The following PCDHA1 variants were observed in gnomAD, a reference collection of about 807,000 sequenced individuals.
PCDHA1 encodes the protein protocadherin alpha-1.
A neutral mutation model predicts 61.3 loss-of-function variants in PCDHA1; 42 were observed. The ratio of observed to expected loss-of-function variants is 0.69; its 90% CI spans 0.54 to 0.89. The LOEUF (loss-of-function observed/expected upper bound fraction) is 0.89. Among genes scored for constraint, PCDHA1 ranks in the 40% least tolerant of loss-of-function variants. The pLI is 0.00. For synonymous variants in PCDHA1, 610 were observed against 553.8 expected, an observed-to-expected ratio of 1.10 and a Z score of -1.43; for missense variants, 1,256 against 1,235.3, an observed-to-expected ratio of 1.02 and a Z score of -0.25.
intron 1 of PCDHA1, chr5:140,841,266 CAG>C (rs1777120353): frequency 6.6e-7 from 1 of 1,522,182 alleles, no homozygotes; most frequent in African/African-American, 1.4e-5. Flanking sequence ...TCTGAAAGTA[CAG>C]TCGTTCATCT....
intron 1 of PCDHA1, chr5:140,842,416 T>C (rs1486970475): frequency 6.2e-7 from 1 of 1,613,166 alleles, no homozygotes; most frequent in Non-Finnish European, 8.5e-7. Flanking sequence ...ACGCTCAATT[T>C]GGTACTGTCA....
chr5:140,945,887 A>G (rs1291923718), intron 1 of PCDHA1, among the ~76,000 whole-genome samples: 2 of 152,132 alleles, frequency 1.3e-5, no homozygotes, highest in Admixed American at 1.3e-4. Flanking sequence ...AACAAAGAAA[A>G]CACAGTGGGA....
chr5:140,966,652 G>C (rs556593659), intron 1 of PCDHA1: 2 of 1,169,200 alleles, frequency 1.7e-6, no homozygotes, highest in Admixed American at 3.9e-5. Context: ...GAGCGTGAGC[G>C]GTGGGGGAGC....
chr5:140,824,338 T>C, intron 1 of PCDHA1: 3 of 621,360 alleles, frequency 4.8e-6, no homozygotes, highest in Non-Finnish European at 8.3e-6. Context: ...TATTAAGTGT[T>C]TTTAAAATAA....
At chr5:140,797,891 C>T (rs1762276987) in intron 1 of PCDHA1, among the ~76,000 whole-genome samples, 1 of 152,078 alleles carries the variant, frequency 6.6e-6, no homozygotes, top group South Asian at 2.1e-4. Flanking sequence ...CTTGCTCTGT[C>T]ACCTAGGCTG....
At chr5:140,860,772 C>G (rs1554153719) in intron 1 of PCDHA1, 1 of 152,248 alleles carries the variant, frequency 6.6e-6, no homozygotes, top group African/African-American at 2.4e-5. Context: ...GAGTCTCGCT[C>G]TGTTGCCCAG....
intron 1 of PCDHA1, chr5:140,884,580 C>G: frequency 6.2e-7 from 1 of 1,614,150 alleles, no homozygotes; most frequent in Non-Finnish European, 8.5e-7. Context: ...GACCTCATGG[C>G]CTTCAGTCCC....
At position 140,883,588 on chromosome 5, in the gene PCDHA1, C is replaced by A. The variant is rs781923113; in HGVS notation, c.2394+94904C>A. 5.6e-6 allele frequency: 9 copies of A among 1,613,794 alleles called. No homozygotes were observed. In the East Asian group the frequency reaches 6.7e-5, roughly 12 times the overall value. ...CGCCTTCGCTGTGGGCCACGGCCAG[C>A]GTGTCGGTGGGGGTGGCCGACGTGA... is the stretch of plus-strand genomic sequence containing the variant. On this transcript the variant is annotated intron_variant, in intron 1 of 3. Coordinates refer to ENST00000504120, the MANE Select transcript of PCDHA1 (RefSeq NM_018900.4).
intron 1 of PCDHA1, chr5:140,877,677 C>T (rs1554169970): frequency 6.2e-7 from 1 of 1,613,678 alleles, no homozygotes. Context: ...GCGCGCCGGG[C>T]AAGCCCACGC....
chr5:141,002,333 G>T (rs782123745), intron 3 of PCDHA1, among the ~76,000 whole-genome samples: 1 of 152,196 alleles, frequency 6.6e-6, no homozygotes, highest in African/African-American at 2.4e-5. Context: ...GGCTGCATCC[G>T]CACCCCTTCC....
At position 140,875,429 on chromosome 5, in the gene PCDHA1, C is replaced by T. The variant is rs781965482; in HGVS notation, c.2394+86745C>T. ...CATAAAATACCTCAGGCAAGCGATCCCTTAAAACTGATTGTCCCAACTCAG... is the reference window on the plus strand; with the variant it reads ...CATAAAATACCTCAGGCAAGCGATCTCTTAAAACTGATTGTCCCAACTCAG... On this transcript the variant is annotated intron_variant, in intron 1 of 3. Transcript: ENST00000504120. The T allele has an allele frequency of 1.9e-6, 3 of 1,551,972 alleles. No homozygotes were observed. In the Admixed American group the frequency reaches 6.1e-5, roughly 32 times the overall value.
rs543488933 is a variant in PCDHA1, at chr5:140,915,492, A to G, written c.2395-63457A>G. The stretch of plus-strand genomic sequence containing the variant: ...TGAAGGAGCTTGGGCCTCAATCCCA[A>G]TAATACTGTGGTTTTTGCAGACTAG... On this transcript the variant is annotated intron_variant, in intron 1 of 3. Coordinates refer to ENST00000504120, the MANE Select transcript of PCDHA1 (RefSeq NM_018900.4). 2.0e-5 allele frequency among the ~76,000 whole-genome samples: 3 copies of G among 152,232 alleles called. No homozygotes were observed. The South Asian group carries it at 6.2e-4, about 32-fold the overall frequency.
chr5:140,823,963 G>T (rs2150130891), intron 1 of PCDHA1: 3 of 1,614,108 alleles, frequency 1.9e-6, no homozygotes, highest in African/African-American at 1.3e-5. Flanking sequence ...CACCGAGGCC[G>T]TGTGCACACG....
At chr5:140,808,478 G>A (rs782669465) in intron 1 of PCDHA1, 1 of 1,614,180 alleles carries the variant, frequency 6.2e-7, no homozygotes, top group South Asian at 1.1e-5. Context: ...GCGAGACGGG[G>A]GCTCGCCTTC....
intron 1 of PCDHA1, among the ~76,000 whole-genome samples, chr5:140,895,738 C>A (rs1554186621): frequency 6.6e-6 from 1 of 152,108 alleles, no homozygotes; most frequent in Non-Finnish European, 1.5e-5. Context: ...CAATGGGCTG[C>A]AAAGGGCATG....
intron 1 of PCDHA1, chr5:140,854,600 AT>A (rs2043170892): frequency 6.7e-6 from 1 of 150,110 alleles, no homozygotes; most frequent in African/African-American, 2.4e-5. Context: ...GTTTAAAGTA[AT>A]TGACACATTT....
intron 1 of PCDHA1, chr5:140,830,343 C>A (rs2150185146): frequency 6.2e-7 from 1 of 1,614,058 alleles, no homozygotes; most frequent in South Asian, 1.1e-5. Flanking sequence ...TGGTCGTACT[C>A]GCAGCAGAGG....
At chr5:140,959,585 C>A (rs1363843588) in intron 1 of PCDHA1, among the ~76,000 whole-genome samples, 1 of 152,004 alleles carries the variant, frequency 6.6e-6, no homozygotes, top group Non-Finnish European at 1.5e-5. Context: ...TCAATTCTAT[C>A]AGCCAAGTAT....
At chr5:140,954,305 T>C (rs2153702260) in intron 1 of PCDHA1, among the ~76,000 whole-genome samples, 1 of 152,342 alleles carries the variant, frequency 6.6e-6, no homozygotes, top group South Asian at 2.1e-4. Context: ...TACCCAGTAA[T>C]GGGATTGCTG....
Sources: allele counts gnomAD v4.1 joint callset (sites outside exome capture counted in the v4.1 genomes callset), GRCh38; gene constraint gnomAD v4.1.1; transcripts MANE v1.5; gene names NCBI Gene and HGNC (gene_info 2026-07-23, HGNC 2026-07-21).